The following PCCA variants were observed in gnomAD, a reference collection of about 807,000 sequenced individuals.
PCCA encodes propionyl-CoA carboxylase alpha chain, mitochondrial.
In PCCA, 74 loss-of-function variants were observed where a neutral mutation model predicts 101.3. The ratio of observed to expected loss-of-function variants is 0.73; its 90% confidence interval spans 0.61 to 0.89. The LOEUF (loss-of-function observed/expected upper bound fraction) is 0.89, where lower values mean the gene tolerates loss of function less well. Ranked by LOEUF, PCCA falls within the 40% of genes least tolerant of loss-of-function variation. The pLI, the probability that PCCA is intolerant of heterozygous loss-of-function variation, is 0.00. For missense variants in PCCA, 891 were observed against 907.0 expected, an observed-to-expected ratio of 0.98 and a Z score of 0.23; for synonymous variants, 294 against 313.6, an observed-to-expected ratio of 0.94 and a Z score of 0.66.
At chr13:100,497,327 A>C (rs2085345661) in intron 21 of PCCA, among the ~76,000 whole-genome samples, 1 of 152,238 alleles carries the variant, frequency 6.6e-6, no homozygotes, top group Admixed American at 6.5e-5. Flanking sequence ...CAAGTTGTGC[A>C]AATAAAACTA....
intron 19 of PCCA, among the ~76,000 whole-genome samples, chr13:100,421,079 C>T (rs780536105): frequency 3.3e-5 from 5 of 151,994 alleles, no homozygotes; most frequent in Admixed American, 6.6e-5. Flanking sequence ...TGGTGGCAGG[C>T]GCCTGTAATT....
rs1490025172 is a variant in PCCA, at chr13:100,100,945, G to A, written c.106-1938G>A. Among the ~76,000 whole-genome samples the A allele has an allele frequency of 3.9e-5, 6 of 152,022 alleles. No homozygotes were observed. The South Asian group carries it at 1.0e-3, about 26-fold the overall frequency. The stretch of plus-strand genomic sequence containing the variant: ...CAGCCATCCGAGTAGCTGGGATTAC[G>A]GGCATGCACCACCATGCCCAGCTAA... On this transcript the variant is annotated intron_variant, in intron 1 of 23. Coordinates refer to ENST00000376285, the MANE Select transcript of PCCA (RefSeq NM_000282.4).
intron 2 of PCCA, among the ~76,000 whole-genome samples, chr13:100,105,176 C>T (rs1257920147): frequency 6.6e-6 from 1 of 152,016 alleles, no homozygotes; most frequent in Non-Finnish European, 1.5e-5. Flanking sequence ...TATTTTATAC[C>T]TCTGGCATAT....
intron 8 of PCCA, among the ~76,000 whole-genome samples, chr13:100,244,174 G>A (rs2061312158): frequency 6.6e-6 from 1 of 152,162 alleles, no homozygotes; most frequent in Non-Finnish European, 1.5e-5. Context: ...CTAAGGAAAA[G>A]TTATGTTAAA....
chr13:100,506,747 T>C (rs535969431), intron 21 of PCCA, among the ~76,000 whole-genome samples: 3 of 152,180 alleles, frequency 2.0e-5, no homozygotes, highest in Non-Finnish European at 4.4e-5. Flanking sequence ...GACTTCAACT[T>C]GATATGAGCA....
At chr13:100,287,223 G>A (rs914771060) in intron 12 of PCCA, among the ~76,000 whole-genome samples, 3 of 150,898 alleles carry the variant, frequency 2.0e-5, no homozygotes, top group Non-Finnish European at 4.4e-5. Flanking sequence ...GCACCACACT[G>A]GTTTAGGTAT....
At chr13:100,374,765 C>T (rs2075796033) in intron 19 of PCCA, among the ~76,000 whole-genome samples, 2 of 152,098 alleles carry the variant, frequency 1.3e-5, no homozygotes, top group South Asian at 2.1e-4. Flanking sequence ...TACTAATAAA[C>T]TAGAAAGCAA....
chr13:100,152,358 C>G (rs1176487640), intron 4 of PCCA, among the ~76,000 whole-genome samples: 4 of 138,480 alleles, frequency 2.9e-5, no homozygotes, highest in Non-Finnish European at 4.7e-5. Flanking sequence ...TTGGAGCACT[C>G]TTTTTTTTTT....
intron 16 of PCCA, among the ~76,000 whole-genome samples, chr13:100,323,874 T>A (rs1187540264): frequency 6.6e-6 from 1 of 152,178 alleles, no homozygotes; most frequent in African/African-American, 2.4e-5. Flanking sequence ...AAACTAAAGC[T>A]TTGAGAGGTT....
chr13:100,502,355 C>T (rs780865516), intron 21 of PCCA, among the ~76,000 whole-genome samples: 7 of 152,042 alleles, frequency 4.6e-5, no homozygotes, highest in African/African-American at 7.2e-5. Context: ...CCCTCTCATC[C>T]CACCTCACCC....
At chr13:100,199,515 C>T (rs1459984040) in intron 6 of PCCA, among the ~76,000 whole-genome samples, 3 of 152,176 alleles carry the variant, frequency 2.0e-5, no homozygotes. Context: ...TGCTATAGCT[C>T]AGTGGTTTCC....
chr13:100,318,734 A>T (rs1161654690), intron 16 of PCCA, among the ~76,000 whole-genome samples: 5 of 152,106 alleles, frequency 3.3e-5, no homozygotes, highest in Non-Finnish European at 5.9e-5. Context: ...TCTATCATTG[A>T]TGGACATTTG....
intron 8 of PCCA, among the ~76,000 whole-genome samples, chr13:100,238,096 G>A (rs879763887): frequency 3.3e-5 from 5 of 151,604 alleles, no homozygotes; most frequent in Non-Finnish European, 7.4e-5. Context: ...ACACCACAAT[G>A]CCAGCTAATT....
chr13:100,302,626 A>C (rs1369761915), intron 13 of PCCA, among the ~76,000 whole-genome samples: 1 of 152,110 alleles, frequency 6.6e-6, no homozygotes, highest in African/African-American at 2.4e-5. Context: ...TGTAGGGCCT[A>C]GGTTATTTTA....
chr13:100,367,312 G>A (rs979099591), intron 18 of PCCA, among the ~76,000 whole-genome samples: 3 of 152,114 alleles, frequency 2.0e-5, no homozygotes, highest in African/African-American at 7.2e-5. Context: ...ATTGTTCATA[G>A]ATATGGAGTC....
At chr13:100,281,820 G>A (rs765999191) in intron 12 of PCCA, among the ~76,000 whole-genome samples, 5 of 152,038 alleles carry the variant, frequency 3.3e-5, no homozygotes, top group South Asian at 2.1e-4. Context: ...GATCTCTATC[G>A]ATAATTTTTC....
chr13:100,510,926 T>C (rs1459959481), intron 21 of PCCA, among the ~76,000 whole-genome samples: 1 of 152,240 alleles, frequency 6.6e-6, no homozygotes. Flanking sequence ...TTGCCTGGGC[T>C]GCACCTCCAA....
intron 11 of PCCA, among the ~76,000 whole-genome samples, chr13:100,272,065 G>T (rs1422841022): frequency 6.6e-6 from 1 of 152,220 alleles, no homozygotes; most frequent in East Asian, 1.9e-4. Context: ...TTTCATAGAA[G>T]CAAAATCTGT....
intron 21 of PCCA, among the ~76,000 whole-genome samples, chr13:100,476,887 G>A (rs988202101): frequency 6.6e-6 from 1 of 152,170 alleles, no homozygotes; most frequent in African/African-American, 2.4e-5. Context: ...TAAGGGAGTA[G>A]AATGAATGAA....
Sources: gnomAD v4.1 joint callset for allele counts (sites outside exome capture counted in the v4.1 genomes callset) on GRCh38, gnomAD v4.1.1 for gene constraint, MANE v1.5 for transcripts, NCBI Gene and HGNC (gene_info 2026-07-23, HGNC 2026-07-21) for gene names.